AOPEP: variants seen among roughly 807,000 people sequenced by gnomAD.
The protein encoded by AOPEP is aminopeptidase O (putative).
AOPEP carries 77 observed loss-of-function variants against 98.1 expected under a neutral mutation model. That is an observed-to-expected ratio of 0.78 (90% CI 0.65 to 0.95). The LOEUF is 0.95. Among genes scored for constraint, AOPEP ranks in the 40% least tolerant of loss-of-function variants. The probability of loss-of-function intolerance (pLI) is 0.00; values close to 1 mark genes in which losing one functional copy is unlikely to be tolerated. For synonymous variants in AOPEP, 346 were observed against 365.3 expected (o/e 0.95, Z 0.60); for missense variants, 1,024 against 1,024.7 (o/e 1.00, Z 0.01).
chr9:94,846,168 C>A (rs1433391063), intron 5 of AOPEP, among the ~76,000 whole-genome samples: 5 of 151,794 alleles, frequency 3.3e-5, no homozygotes, highest in Non-Finnish European at 7.4e-5. Context: ...CAGCCCATGA[C>A]TAGAGATCTG....
chr9:94,935,573 T>G (rs1330434223), intron 7 of AOPEP, among the ~76,000 whole-genome samples: 1 of 152,130 alleles, frequency 6.6e-6, no homozygotes, highest in Non-Finnish European at 1.5e-5. Context: ...TGCACTTGTC[T>G]CATTGGTTGG....
intron 14 of AOPEP, among the ~76,000 whole-genome samples, chr9:95,072,794 G>A (rs1157715877): frequency 3.3e-5 from 5 of 152,186 alleles, no homozygotes; most frequent in African/African-American, 4.8e-5. Context: ...CCGTTGTCAC[G>A]GGACCTGTGT....
chr9:95,061,617 C>T lies in AOPEP; in HGVS notation c.2232+807C>T, dbSNP rs994792247. ...ACTGGAATGAAGAAAGACAAAATAA[C>T]TTAATGTGTCCCAATTGATTATAGT... On this transcript the variant is annotated intron_variant, in intron 14 of 16. Coordinates refer to ENST00000375315, the MANE Select transcript of AOPEP (RefSeq NM_001193329.3). 3.3e-5 allele frequency among the ~76,000 whole-genome samples: 5 copies of T among 152,170 alleles called. 1 individual carries two copies. The highest frequency in any genetic ancestry group is 4.4e-5 in the Non-Finnish European group (3 of 68,022).
At chr9:94,954,484 C>T (rs532003667) in intron 7 of AOPEP, among the ~76,000 whole-genome samples, 27 of 152,284 alleles carry the variant, frequency 1.8e-4, no homozygotes, top group African/African-American at 6.3e-4. Context: ...AAAAAAATCT[C>T]GTAATGTTTT....
intron 3 of AOPEP, among the ~76,000 whole-genome samples, chr9:94,784,720 A>G (rs1844025576): frequency 6.6e-6 from 1 of 152,106 alleles, no homozygotes; most frequent in Admixed American, 6.5e-5. Flanking sequence ...GGTTCAAGTG[A>G]TTCTCCTGCT....
chr9:95,055,565 T>C (rs1021058353), intron 13 of AOPEP, among the ~76,000 whole-genome samples: 1 of 152,204 alleles, frequency 6.6e-6, no homozygotes. Context: ...TCTCCTTTAA[T>C]GAGGGCACTG....
intron 5 of AOPEP, among the ~76,000 whole-genome samples, chr9:94,882,732 T>C (rs1010012155): frequency 1.3e-5 from 2 of 152,214 alleles, no homozygotes; most frequent in Non-Finnish European, 1.5e-5. Flanking sequence ...GCCAAGATTG[T>C]GCCATTGCAT....
intron 5 of AOPEP, among the ~76,000 whole-genome samples, chr9:94,897,095 A>G (rs1309087845): frequency 6.6e-6 from 1 of 152,118 alleles, no homozygotes; most frequent in Non-Finnish European, 1.5e-5. Flanking sequence ...TAAAAAAGTC[A>G]TCTGAAAAAA....
chr9:94,773,335 G>A, intron 3 of AOPEP, 167 bp downstream of exon 3: 1 of 540,192 alleles, frequency 1.9e-6, no homozygotes, highest in Non-Finnish European at 3.2e-6. Context: ...GATGGGGAGG[G>A]ACACTTAGGA....
intron 11 of AOPEP, among the ~76,000 whole-genome samples, chr9:94,982,074 T>C (rs945650910): frequency 2.0e-5 from 3 of 152,182 alleles, no homozygotes; most frequent in Non-Finnish European, 2.9e-5. Flanking sequence ...CCTCTGGCCT[T>C]ACAAAGAGAT....
intron 3 of AOPEP, among the ~76,000 whole-genome samples, chr9:94,783,363 G>C (rs756139409): frequency 1.3e-4 from 20 of 152,222 alleles, no homozygotes; most frequent in Non-Finnish European, 2.5e-4. Flanking sequence ...CTTGCAAAGT[G>C]GTGGCCTGAC....
intron 5 of AOPEP, among the ~76,000 whole-genome samples, chr9:94,883,805 CAT>C (rs1440111948): frequency 6.6e-6 from 1 of 152,096 alleles, no homozygotes; most frequent in East Asian, 1.9e-4. Context: ...AAATGTTAAA[CAT>C]AAGTTGAGGG....
chr9:95,137,226 T>C, the AOPEP span, among the ~76,000 whole-genome samples: 1 of 151,948 alleles, frequency 6.6e-6, no homozygotes, highest in African/African-American at 2.4e-5. Flanking sequence ...GGAAGGGACA[T>C]GGGGAGAGCA....
chr9:95,084,908 G>T lies in AOPEP; in HGVS notation c.*5-1774G>T, dbSNP rs560253065. On this transcript the variant is annotated intron_variant, in intron 16 of 16. Coordinates refer to ENST00000375315, the MANE Select transcript of AOPEP (RefSeq NM_001193329.3). ...AGCTAGAATCTGCCTGGAGAGAAGG[G>T]ATCTTGTCCCCAAGGGTTAGAGGCA... Among the ~76,000 whole-genome samples the T allele has an allele frequency of 1.6e-4, 24 of 152,346 alleles. 1 individual carries two copies. The South Asian group carries it at 4.8e-3, about 30-fold the overall frequency.
At chr9:94,912,890 A>G (rs2052285084) in intron 5 of AOPEP, among the ~76,000 whole-genome samples, 1 of 152,236 alleles carries the variant, frequency 6.6e-6, no homozygotes, top group Non-Finnish European at 1.5e-5. Context: ...CTGCACTGCC[A>G]GTCACTGCAC....
chr9:95,015,840 A>G (rs1362775901), intron 13 of AOPEP, among the ~76,000 whole-genome samples: 8 of 152,200 alleles, frequency 5.3e-5, no homozygotes, highest in Non-Finnish European at 1.0e-4. Context: ...GATTGCCTTC[A>G]TGAGCACATA....
intron 1 of AOPEP, among the ~76,000 whole-genome samples, chr9:94,747,164 T>C (rs1834692417): frequency 1.3e-5 from 2 of 152,180 alleles, no homozygotes; most frequent in Non-Finnish European, 2.9e-5. Flanking sequence ...GAGAGACTGT[T>C]TAAAACTTGA....
the AOPEP span, chr9:95,111,010 G>T: frequency 7.0e-7 from 1 of 1,435,834 alleles, no homozygotes; most frequent in South Asian, 1.5e-5. Context: ...AGGATCTGTT[G>T]ACTGATCCAA....
chr9:94,793,305 G>A (rs1357614239), intron 4 of AOPEP, among the ~76,000 whole-genome samples: 2 of 151,876 alleles, frequency 1.3e-5, no homozygotes, highest in African/African-American at 2.4e-5. Context: ...CTGAGATTGC[G>A]CCACTGCACT....
Sources: allele counts gnomAD v4.1 joint callset (sites outside exome capture counted in the v4.1 genomes callset), GRCh38; gene constraint gnomAD v4.1.1; transcripts MANE v1.5; gene names NCBI Gene and HGNC (gene_info 2026-07-23, HGNC 2026-07-21).